AFAP1L2: variants seen among roughly 807,000 people sequenced by gnomAD.
The protein encoded by AFAP1L2 is actin filament associated protein 1 like 2, also known as actin filament-associated protein 1-like 2.
AFAP1L2 carries 46 observed loss-of-function variants against 99.3 expected under a neutral mutation model. That is an observed-to-expected ratio of 0.46 (90% CI 0.37 to 0.59). The LOEUF (loss-of-function observed/expected upper bound fraction) is 0.59. Among genes scored for constraint, AFAP1L2 ranks in the 20% least tolerant of loss-of-function variants. AFAP1L2 has a pLI of 0.00. For synonymous variants in AFAP1L2, 397 were observed against 419.1 expected (o/e 0.95, Z 0.64); for missense variants, 959 against 1,034.9 (o/e 0.93, Z 1.01).
At position 114,335,569 on chromosome 10, in the gene AFAP1L2, T is replaced by C. The variant is rs1016779935; in HGVS notation, c.146-2274A>G. Among the ~76,000 whole-genome samples the C allele has an allele frequency of 1.8e-4, 27 of 146,746 alleles. No homozygotes were observed. In the South Asian group the frequency reaches 2.6e-3, roughly 14 times the overall value. On this transcript the variant is annotated intron_variant, in intron 2 of 18. Coordinates refer to ENST00000304129, the MANE Select transcript of AFAP1L2 (RefSeq NM_001001936.3). ...CAGAGCTTGCAGTGAGCTGAGATAG[T>C]GCCACTGCACTCCAGCCTGGTCAAC...
At chr10:114,376,355 C>T in intron 1 of AFAP1L2, among the ~76,000 whole-genome samples, 1 of 152,214 alleles carries the variant, frequency 6.6e-6, no homozygotes, top group South Asian at 2.1e-4. Context: ...GTCATCTACA[C>T]TTAAGGACTT....
intron 2 of AFAP1L2, among the ~76,000 whole-genome samples, chr10:114,338,451 A>G (rs537980780): frequency 5.3e-5 from 8 of 152,362 alleles, no homozygotes; most frequent in Admixed American, 4.6e-4. Flanking sequence ...TTTGCCAGAA[A>G]TAAAACCATA....
chr10:114,326,745 C>T (rs1232123294), intron 4 of AFAP1L2, among the ~76,000 whole-genome samples: 1 of 152,130 alleles, frequency 6.6e-6, no homozygotes, highest in African/African-American at 2.4e-5. Flanking sequence ...CACTTGACCT[C>T]TCTGGACTTG....
the AFAP1L2 span, among the ~76,000 whole-genome samples, chr10:114,286,851 A>C: frequency 6.6e-6 from 1 of 152,212 alleles, no homozygotes; most frequent in Non-Finnish European, 1.5e-5. Flanking sequence ...GAATCTACTA[A>C]GCAGGCTCCA....
At chr10:114,286,327 G>A in the AFAP1L2 span, 27 of 1,612,628 alleles carry the variant, frequency 1.7e-5, no homozygotes, top group South Asian at 4.4e-5. Context: ...ATGAGGTTGC[G>A]GGCCCAGCGC....
At chr10:114,288,467 C>T in the AFAP1L2 span, among the ~76,000 whole-genome samples, 1 of 152,174 alleles carries the variant, frequency 6.6e-6, no homozygotes, top group African/African-American at 2.4e-5. Flanking sequence ...AAAGGGTTGC[C>T]CACAAACCCA....
At position 114,314,012 on chromosome 10, in the gene AFAP1L2, G is replaced by A. The variant is rs770374744; in HGVS notation, c.651C>T (p.Asp217=). 19 of 1,613,782 alleles carry A rather than the reference G, an allele frequency of 1.2e-5. 1 individual carries two copies. The highest frequency in any genetic ancestry group is 1.6e-4 in the Middle Eastern group (1 of 6,082). Residue 217 remains aspartate (D), a synonymous_variant, in exon 7 of 19, where the codon GAC becomes GAT. Transcript: ENST00000304129. ...TGACGCTGCTGCCCAGTAGGTTCAC[G>A]TCCAGCTGAGGGCTGTGGTCCTTGG... ...KSSKDHSPQL[D]VNLLGSSVIH...
At chr10:114,321,577 G>A (rs949664330) in intron 5 of AFAP1L2, among the ~76,000 whole-genome samples, 2 of 152,120 alleles carry the variant, frequency 1.3e-5, no homozygotes, top group African/African-American at 4.8e-5. Flanking sequence ...ACCTTCCTCA[G>A]CCTAGTTCAT....
intron 1 of AFAP1L2, among the ~76,000 whole-genome samples, chr10:114,356,429 TA>T (rs1398658527): frequency 6.6e-6 from 1 of 152,264 alleles, no homozygotes; most frequent in Non-Finnish European, 1.5e-5. Flanking sequence ...TAAACATTTT[TA>T]AAATATTGAT....
chr10:114,351,054 C>T (rs1307024006), intron 1 of AFAP1L2, among the ~76,000 whole-genome samples: 1 of 152,204 alleles, frequency 6.6e-6, no homozygotes, highest in African/African-American at 2.4e-5. Context: ...CCCTGCGCGG[C>T]AAGTCCCACA....
rs989168608 is a variant in AFAP1L2 at position 114,377,846 on chromosome 10, G to A, written c.16+26594C>T. On this transcript the variant is annotated intron_variant, in intron 1 of 18. Transcript: ENST00000304129. This position sits in a 1 kb window ranked among gnomAD's most constrained non-coding sequence, Gnocchi z 4.0. ...CATAGTTGGTTCCATTTCCAAGGGA[G>A]ACTGAAGTCCTCCATATGTCTGAGG... Among the ~76,000 whole-genome samples the A allele has an allele frequency of 4.6e-5, 7 of 152,336 alleles. No individual in the cohort carries two copies. The East Asian group carries it at 1.3e-3, about 29-fold the overall frequency.
intron 16 of AFAP1L2, among the ~76,000 whole-genome samples, chr10:114,298,145 A>G (rs2040549318): frequency 6.6e-6 from 1 of 152,230 alleles, no homozygotes; most frequent in Non-Finnish European, 1.5e-5. Flanking sequence ...TGGGAGGCTG[A>G]GGCAGGCAGA....
At chr10:114,346,518 A>C (rs1258532962) in intron 1 of AFAP1L2, among the ~76,000 whole-genome samples, 1 of 152,136 alleles carries the variant, frequency 6.6e-6, no homozygotes, top group African/African-American at 2.4e-5. Context: ...CAGAGTGCCA[A>C]CCTCAGTGAC....
chr10:114,361,049 G>A (rs7081212), intron 1 of AFAP1L2, among the ~76,000 whole-genome samples: 133,389 of 152,226 alleles, frequency 0.88, 60,399 homozygotes, highest in East Asian at 1. Context: ...GGTGAAAAGT[G>A]TGTCTCACAT....
At chr10:114,371,012 A>G (rs1478178419) in intron 1 of AFAP1L2, among the ~76,000 whole-genome samples, 1 of 152,194 alleles carries the variant, frequency 6.6e-6, no homozygotes, top group African/African-American at 2.4e-5. Context: ...TAAGTCTCTC[A>G]TGACCATGAC....
At chr10:114,372,633 T>TATATAATATATATACAC (rs1464026839) in intron 1 of AFAP1L2, among the ~76,000 whole-genome samples, 1 of 151,374 alleles carries the variant, frequency 6.6e-6, no homozygotes, top group Admixed American at 6.6e-5. Context: ...TATATATACA[T>TATATAATATATATACAC]ATATAATATA....
At chr10:114,329,303 C>G (rs937180958) in intron 4 of AFAP1L2, among the ~76,000 whole-genome samples, 1 of 152,178 alleles carries the variant, frequency 6.6e-6, no homozygotes, top group Non-Finnish European at 1.5e-5. Context: ...TCCCAGGGCC[C>G]GCAGGGACTC....
At chr10:114,340,798 C>T (rs1172029196) in intron 1 of AFAP1L2, 67 bp from the exon 2 acceptor site, 1 of 1,607,640 alleles carries the variant, frequency 6.2e-7, no homozygotes, top group African/African-American at 1.3e-5. Flanking sequence ...TCAGATACAC[C>T]TCGGGACCCT....
Position 114,295,743 on chromosome 10 carries a change from G to C in AFAP1L2, c.*299C>G. 1 of 1,132,524 alleles carries C rather than the reference G, an allele frequency of 8.8e-7. No homozygotes were observed. Among genetic ancestry groups the C allele is most frequent in the Non-Finnish European group, 1.1e-6 (1 of 923,342 alleles). The allele number at this position is 1,132,524 out of a possible 1,614,324, so 70.2% of individuals were successfully genotyped here. On this transcript the variant is annotated 3_prime_UTR_variant, in exon 19 of 19. Transcript: ENST00000304129. ...AGGTTTTCACTATTTAAAAATCTTA[G>C]TAAAGCAATTGATGACAACTTCAAA...
Sources: allele counts gnomAD v4.1 joint callset (sites outside exome capture counted in the v4.1 genomes callset), GRCh38; gene constraint gnomAD v4.1.1; non-coding constraint Gnocchi (gnomAD v3.1); transcripts MANE v1.5; gene names NCBI Gene and HGNC (gene_info 2026-07-23, HGNC 2026-07-21).